Variants in LGALS4 observed in about 807,000 individuals in gnomAD.
LGALS4 encodes the protein galectin 4.
Under a neutral mutation model 39.6 loss-of-function variants are expected in LGALS4, and 37 were observed. The ratio of observed to expected loss-of-function variants is 0.93; its 90% CI spans 0.72 to 1.23. The LOEUF is 1.23. Among genes scored for constraint, LGALS4 ranks in the 50% most tolerant of loss-of-function variants. LGALS4 has a pLI of 0.00. For missense variants in LGALS4, 397 were observed against 433.2 expected, an observed-to-expected ratio of 0.92 and a Z score of 0.74; for synonymous variants, 160 against 165.5, an observed-to-expected ratio of 0.97 and a Z score of 0.25.
chr19:38,812,650 C>G (rs778662412), intron 1 of LGALS4, 131 bp from the exon 2 acceptor site: 5 of 962,262 alleles, frequency 5.2e-6, no homozygotes, highest in Non-Finnish European at 8.2e-6. Context: ...TTGAAGATGA[C>G]GAGGGCCAAC....
intron 3 of LGALS4, among the ~76,000 whole-genome samples, chr19:38,808,421 C>T (rs939013748): frequency 1.5e-4 from 23 of 151,782 alleles, no homozygotes; most frequent in African/African-American, 5.1e-4. Flanking sequence ...GTCGGGAGTT[C>T]GAGGCCAGCC....
chr19:38,809,491 G>C (rs943101611), intron 2 of LGALS4, among the ~76,000 whole-genome samples: 1 of 149,424 alleles, frequency 6.7e-6, no homozygotes, highest in Non-Finnish European at 1.5e-5. Context: ...TTTTTTTCTT[G>C]AGACAGGGTC....
At chr19:38,804,507 G>A (rs769774532) in intron 4 of LGALS4, among the ~76,000 whole-genome samples, 4 of 152,082 alleles carry the variant, frequency 2.6e-5, no homozygotes, top group Non-Finnish European at 4.4e-5. Flanking sequence ...TCAAACTCCC[G>A]ACCTCAGGTG....
intron 2 of LGALS4, 56 bp from the exon 3 acceptor site, chr19:38,809,004 C>T: frequency 6.9e-7 from 1 of 1,444,334 alleles, no homozygotes; most frequent in Non-Finnish European, 9.5e-7. Flanking sequence ...GCCTGGGGGC[C>T]TCCTCCAGGA....
chr19:38,803,931 G>T (rs1297680923), intron 4 of LGALS4, 36 bp from the exon 5 acceptor site: 1 of 1,589,178 alleles, frequency 6.3e-7, no homozygotes, highest in Middle Eastern at 1.7e-4. Flanking sequence ...TTATGAGAGG[G>T]TCCCCAGATT....
At chr19:38,804,208 T>C (rs1474209031) in intron 4 of LGALS4, among the ~76,000 whole-genome samples, 3 of 152,216 alleles carry the variant, frequency 2.0e-5, no homozygotes, top group African/African-American at 7.2e-5. Flanking sequence ...AGTTTCTGCC[T>C]CTGTCCCTGT....
chr19:38,805,143 G>A (rs1971407042), intron 4 of LGALS4, among the ~76,000 whole-genome samples: 1 of 145,946 alleles, frequency 6.9e-6, no homozygotes, highest in Non-Finnish European at 1.5e-5. Context: ...CAGCCTGGGT[G>A]ACAGAGCCAG....
chr19:38,805,943 G>A (rs1971416716), intron 4 of LGALS4, among the ~76,000 whole-genome samples: 1 of 152,080 alleles, frequency 6.6e-6, no homozygotes, highest in Non-Finnish European at 1.5e-5. Context: ...GTGATGGTGG[G>A]TGCCTGTAAT....
chr19:38,809,644 C>CTTTTT (rs66473176), intron 2 of LGALS4, among the ~76,000 whole-genome samples: 2 of 74,544 alleles, frequency 2.7e-5, no homozygotes, highest in Non-Finnish European at 4.7e-5. Flanking sequence ...CTATGCCTGG[C>CTTTTT]TTTTTTTTTT....
chr19:38,808,640 A>AAGAAAG, intron 3 of LGALS4, 104 bp downstream of exon 3: 1 of 770,370 alleles, frequency 1.3e-6, no homozygotes, highest in South Asian at 1.9e-5. Context: ...AAAAAAAAAA[A>AAGAAAG]AAAGAAAGAA....
chr19:38,812,750 G>C (rs528366192), intron 1 of LGALS4, 92 bp downstream of exon 1: 1 of 1,444,018 alleles, frequency 6.9e-7, no homozygotes, highest in East Asian at 2.3e-5. Flanking sequence ...CACAGAGTCA[G>C]ATGGGGCCCC....
At chr19:38,805,005 A>G (rs1028968865) in intron 4 of LGALS4, among the ~76,000 whole-genome samples, 2 of 151,540 alleles carry the variant, frequency 1.3e-5, no homozygotes, top group African/African-American at 4.9e-5. Context: ...CTTTACAAAA[A>G]ATTTAAAAAC....
chr19:38,805,917 C>T (rs1971416407), intron 4 of LGALS4, among the ~76,000 whole-genome samples: 1 of 152,060 alleles, frequency 6.6e-6, no homozygotes, highest in Admixed American at 6.6e-5. Flanking sequence ...ACTAAAAATA[C>T]AAAAATTAGC....
chr19:38,806,614 A>C lies in LGALS4; in HGVS notation c.340-19T>G, dbSNP rs759377291. The C allele has an allele frequency of 1.9e-6, 3 of 1,612,852 alleles. No individual in the cohort carries two copies. In the South Asian group the frequency reaches 3.3e-5, roughly 18 times the overall value. On this transcript the variant is annotated intron_variant, in intron 3 of 9. Transcript: ENST00000307751. ...CCACCACCTGGAGGGCAGAGATGGGAGGTCAGGAGTCAGCACCCATGATCC... is the reference window on the plus strand; with the variant it reads ...CCACCACCTGGAGGGCAGAGATGGGCGGTCAGGAGTCAGCACCCATGATCC...
In LGALS4 at chr19:38,808,895, T is replaced by C; in HGVS notation, c.188A>G (p.His63Arg). The change falls in exon 3 of 10, where the codon CAC (histidine) becomes CGC (arginine). Residue 63 changes from histidine (H) to arginine (R), a missense_variant. Physicochemically the swap from His to Arg is conservative, Grantham distance 29. Coordinates refer to ENST00000307751, the MANE Select transcript of LGALS4 (RefSeq NM_006149.4). ...CCAGCCGTCAAACCGCGGATTGAAG[T>C]GGAAGGCGACGTCTGAGCCCGGATC... is the stretch of plus-strand genomic sequence containing the variant. The part of the protein sequence containing the change: ...GQDPGSDVAF[H>R]FNPRFDGWDK... The C allele has an allele frequency of 6.2e-7, 1 of 1,614,150 alleles. No individual in the cohort carries two copies.
intron 4 of LGALS4, among the ~76,000 whole-genome samples, chr19:38,805,447 C>A (rs1246372088): frequency 6.6e-6 from 1 of 152,082 alleles, no homozygotes; most frequent in African/African-American, 2.4e-5. Flanking sequence ...TGCCCCTCTG[C>A]CTGTGCCCTC....
At chr19:38,802,685 G>T (rs979692531) in intron 7 of LGALS4, among the ~76,000 whole-genome samples, 108 of 137,496 alleles carry the variant, frequency 7.9e-4, no homozygotes, top group African/African-American at 2.8e-3. Flanking sequence ...AACAAATTTT[G>T]TTTTTTTTTT....
rs753810969 is a variant in LGALS4 at position 38,808,909 on chromosome 19, T to G, written c.174A>C (p.Ser58=). 6.2e-7 allele frequency: 1 copy of G among 1,613,916 alleles called. No individual in the cohort carries two copies. Among genetic ancestry groups the G allele is most frequent in the Non-Finnish European group, 8.5e-7 (1 of 1,179,904 alleles). ...VNFVVGQDPG[S]DVAFHFNPRF... Reference sequence around the variant, plus strand: ...GCGGATTGAAGTGGAAGGCGACGTCTGAGCCCGGATCCTGCCCAACCACAA... The same window carrying G: ...GCGGATTGAAGTGGAAGGCGACGTCGGAGCCCGGATCCTGCCCAACCACAA... Residue 58 remains serine, a synonymous_variant, in exon 3 of 10, where the codon TCA becomes TCC. Coordinates refer to ENST00000307751, the MANE Select transcript of LGALS4 (RefSeq NM_006149.4).
At chr19:38,812,018 CA>C (rs57756863) in intron 2 of LGALS4, among the ~76,000 whole-genome samples, 52,475 of 139,686 alleles carry the variant, frequency 0.38, 10,562 homozygotes, top group African/African-American at 0.57. Flanking sequence ...CATCTCAAAA[CA>C]AAAAAAAAAA....
Sources: gnomAD v4.1 joint callset for allele counts (sites outside exome capture counted in the v4.1 genomes callset) on GRCh38, gnomAD v4.1.1 for gene constraint, MANE v1.5 for transcripts, NCBI Gene and HGNC (gene_info 2026-07-23, HGNC 2026-07-21) for gene names.